The following MSRA variants were observed in gnomAD, a reference collection of about 807,000 sequenced individuals.
The protein encoded by MSRA is mitochondrial peptide methionine sulfoxide reductase.
Under a neutral mutation model 31.3 loss-of-function variants are expected in MSRA, and 54 were observed. The observed-to-expected ratio is 1.73, with a 90% CI of 1.39 to 2.17. MSRA has a LOEUF of 2.17. Ranked by LOEUF, MSRA falls within the 30% of genes most tolerant of loss-of-function variation. The pLI, the probability that MSRA is intolerant of heterozygous loss-of-function variation, is 0.00. For missense variants in MSRA, 507 were observed against 300.9 expected (o/e 1.69, Z -5.07); for synonymous variants, 169 against 116.5 (o/e 1.45, Z -2.90).
chr8:10,230,152 C>T (rs1029079164), intron 2 of MSRA, among the ~76,000 whole-genome samples: 1 of 152,150 alleles, frequency 6.6e-6, no homozygotes, highest in Admixed American at 6.5e-5. Context: ...GAGGTGGGCC[C>T]CATGTTCAGA....
At chr8:10,182,736 G>A (rs970231021) in intron 1 of MSRA, among the ~76,000 whole-genome samples, 1 of 152,102 alleles carries the variant, frequency 6.6e-6, no homozygotes, top group East Asian at 1.9e-4. Context: ...ATCGCCTGGA[G>A]GCCACACCCA....
chr8:10,284,635 T>C (rs533445841), intron 3 of MSRA, among the ~76,000 whole-genome samples: 61 of 152,294 alleles, frequency 4.0e-4, no homozygotes, highest in Admixed American at 7.8e-4. Flanking sequence ...TTGGAGTGGC[T>C]CCTCATCTTC....
At chr8:10,292,743 G>T (rs1291071179) in intron 3 of MSRA, among the ~76,000 whole-genome samples, 1 of 152,232 alleles carries the variant, frequency 6.6e-6, no homozygotes, top group Non-Finnish European at 1.5e-5. Flanking sequence ...GGCTTGGACT[G>T]TGGGTAGCCT....
At chr8:10,214,304 C>G (rs949709657) in intron 2 of MSRA, among the ~76,000 whole-genome samples, 4 of 152,114 alleles carry the variant, frequency 2.6e-5, no homozygotes, top group African/African-American at 9.7e-5. Context: ...GGGGTACTCA[C>G]CTTCGGCCCC....
intron 3 of MSRA, among the ~76,000 whole-genome samples, chr8:10,261,798 A>T (rs1279757410): frequency 2.0e-5 from 3 of 152,208 alleles, no homozygotes; most frequent in Admixed American, 2.0e-4. Context: ...TAATACGTGT[A>T]TCTACCATTA....
chr8:10,334,231 C>T (rs1585503041), intron 5 of MSRA, among the ~76,000 whole-genome samples: 2 of 151,934 alleles, frequency 1.3e-5, no homozygotes, highest in South Asian at 4.2e-4. Flanking sequence ...TATATATACA[C>T]ACACATTTAT....
intron 5 of MSRA, among the ~76,000 whole-genome samples, chr8:10,348,672 C>G (rs1300893030): frequency 2.6e-5 from 4 of 152,028 alleles, no homozygotes; most frequent in Non-Finnish European, 5.9e-5. Flanking sequence ...CTGGCCCTGG[C>G]TTTTCTTTAG....
chr8:10,374,674 C>A (rs770508779), intron 5 of MSRA, among the ~76,000 whole-genome samples: 1 of 152,076 alleles, frequency 6.6e-6, no homozygotes, highest in Non-Finnish European at 1.5e-5. Flanking sequence ...CGTGCATTTC[C>A]CCCTCAATTT....
chr8:10,163,957 T>C (rs77819339), intron 1 of MSRA, among the ~76,000 whole-genome samples: 3,348 of 152,238 alleles, frequency 0.022, 124 homozygotes, highest in African/African-American at 0.076. Flanking sequence ...ATATTCTGAG[T>C]CCACAAGGGA....
At chr8:10,359,022 C>G (rs1004353592) in intron 5 of MSRA, among the ~76,000 whole-genome samples, 2 of 152,162 alleles carry the variant, frequency 1.3e-5, no homozygotes, top group African/African-American at 4.8e-5. Flanking sequence ...ATTCCCTTAT[C>G]CCCCCATCCC....
chr8:10,375,560 T>G (rs1375386168), intron 5 of MSRA, among the ~76,000 whole-genome samples: 1 of 152,182 alleles, frequency 6.6e-6, no homozygotes, highest in African/African-American at 2.4e-5. Flanking sequence ...GCTATCAACC[T>G]GTCAACCAGC....
chr8:10,277,069 G>C (rs779432301), intron 3 of MSRA, among the ~76,000 whole-genome samples: 1 of 152,040 alleles, frequency 6.6e-6, no homozygotes, highest in Non-Finnish European at 1.5e-5. Context: ...CTCATTACTT[G>C]AGACCTAGAT....
chr8:10,404,659 C>A (rs1356311608), intron 5 of MSRA, among the ~76,000 whole-genome samples: 2 of 152,246 alleles, frequency 1.3e-5, no homozygotes, highest in Non-Finnish European at 2.9e-5. Flanking sequence ...CGCCGCCCTC[C>A]CTCGCACACA....
intron 5 of MSRA, chr8:10,411,201 A>C (rs2129188767): frequency 1.3e-5 from 2 of 152,320 alleles, no homozygotes; most frequent in Middle Eastern, 6.8e-3. Context: ...GCTGTTGCTG[A>C]AACTGCTAGA....
Position 10,261,390 on chromosome 8 carries a change from A to AT in MSRA, c.331+16167_331+16168insT, listed in dbSNP as rs1491515512. On this transcript the variant is annotated intron_variant, in intron 3 of 5. Transcript: ENST00000317173. ...ATGAAGGGTATATAATCTGTTACTT[A>AT]AAAAAAAAAAAAAAAGACTATAAGG... Among the ~76,000 whole-genome samples, 10 of 21,264 alleles carry AT rather than the reference A, an allele frequency of 4.7e-4. 1 individual carries two copies. Among genetic ancestry groups the AT allele is most frequent in the Non-Finnish European group, 1.1e-3 (9 of 8,344 alleles). 14.0% of individuals were successfully genotyped at this position (21,264 alleles called of 152,430 possible).
intron 1 of MSRA, among the ~76,000 whole-genome samples, chr8:10,077,643 A>G (rs1005803645): frequency 6.6e-6 from 1 of 151,464 alleles, no homozygotes; most frequent in African/African-American, 2.4e-5. Context: ...TTTTATTCCT[A>G]GTTACTTTTC....
At chr8:10,372,138 G>A (rs1407244599) in intron 5 of MSRA, among the ~76,000 whole-genome samples, 3 of 152,200 alleles carry the variant, frequency 2.0e-5, no homozygotes, top group African/African-American at 4.8e-5. Context: ...GAAGGGCATC[G>A]TTAGCTCTTC....
chr8:10,428,504 A>T lies in MSRA; in HGVS notation c.*192A>T, dbSNP rs1053343053. On this transcript the variant is annotated 3_prime_UTR_variant, in exon 6 of 6. Transcript: ENST00000317173. Reference sequence around the variant, plus strand: ...TTGATAAAATGTGACTTATCTCCTAATAAGTTATGGTGGGAGTGGAGCTGT... The same window carrying T: ...TTGATAAAATGTGACTTATCTCCTATTAAGTTATGGTGGGAGTGGAGCTGT... The T allele has an allele frequency of 1.7e-6, 1 of 595,818 alleles. No individual in the cohort carries two copies. The highest frequency in any genetic ancestry group is 3.2e-5 in the Admixed American group (1 of 31,612). 36.9% of individuals were successfully genotyped at this position (595,818 alleles called of 1,614,324 possible).
At chr8:10,192,896 C>T (rs970269097) in intron 1 of MSRA, among the ~76,000 whole-genome samples, 1 of 152,132 alleles carries the variant, frequency 6.6e-6, no homozygotes, top group South Asian at 2.1e-4. Context: ...TCTCAGACAC[C>T]CATTTCATAA....
Sources: allele counts gnomAD v4.1 joint callset (sites outside exome capture counted in the v4.1 genomes callset), GRCh38; gene constraint gnomAD v4.1.1; transcripts MANE v1.5; gene names NCBI Gene and HGNC (gene_info 2026-07-23, HGNC 2026-07-21).